SVOPL: variants seen among roughly 807,000 people sequenced by gnomAD.
SVOPL encodes SVOP like.
In SVOPL, 60 loss-of-function variants were observed where a neutral mutation model predicts 61.0. The ratio of observed to expected loss-of-function variants is 0.98; its 90% confidence interval spans 0.80 to 1.22. SVOPL has a LOEUF of 1.22. Ranked by LOEUF, SVOPL falls within the 50% of genes most tolerant of loss-of-function variation. The probability of loss-of-function intolerance (pLI) is 0.00; values close to 1 mark genes in which losing one functional copy is unlikely to be tolerated. For missense variants in SVOPL, 662 were observed against 643.9 expected, an observed-to-expected ratio of 1.03 and a Z score of -0.30; for synonymous variants, 279 against 250.0, an observed-to-expected ratio of 1.12 and a Z score of -1.09.
intron 4 of SVOPL, among the ~76,000 whole-genome samples, chr7:138,670,374 G>A (rs904324825): frequency 2.0e-5 from 3 of 152,066 alleles, no homozygotes; most frequent in Admixed American, 6.6e-5. Context: ...CACGATTTGC[G>A]ACTTCCCCAA....
At chr7:138,596,803 T>C in intron 14 of SVOPL, 1 of 1,137,178 alleles carries the variant, frequency 8.8e-7, no homozygotes, top group Non-Finnish European at 1.1e-6. Flanking sequence ...GAGCCAAGTT[T>C]TGATATATGG....
At chr7:138,670,974 C>A (rs912797153) in intron 4 of SVOPL, among the ~76,000 whole-genome samples, 11 of 152,120 alleles carry the variant, frequency 7.2e-5, no homozygotes, top group African/African-American at 2.2e-4. Flanking sequence ...AACTTTCATA[C>A]CCATTTAATC....
chr7:138,648,870 C>G (rs948823464), intron 8 of SVOPL, 142 bp downstream of exon 8: 1 of 1,274,136 alleles, frequency 7.8e-7, no homozygotes, highest in East Asian at 2.7e-5. Flanking sequence ...TGCAGTGAGC[C>G]GAGATTGCAC....
chr7:138,619,721 T>C lies in SVOPL; in HGVS notation c.1353+1325A>G, dbSNP rs113954401. 8.3e-3 allele frequency among the ~76,000 whole-genome samples: 1,262 copies of C among 152,282 alleles called. 19 individuals are homozygous for C. Among genetic ancestry groups the C allele is most frequent in the African/African-American group, 0.028 (1,179 of 41,550 alleles). ...CCATCCCAACTCCCGCTCTCTGTCATTTCACCTCTGCCAGCTGCATTTATG... is the reference window on the plus strand; with the variant it reads ...CCATCCCAACTCCCGCTCTCTGTCACTTCACCTCTGCCAGCTGCATTTATG... On this transcript the variant is annotated intron_variant, in intron 14 of 15. Coordinates refer to ENST00000674285, the MANE Select transcript of SVOPL (RefSeq NM_001139456.2).
chr7:138,699,496 T>C (rs1803143551), intron 1 of SVOPL, among the ~76,000 whole-genome samples: 1 of 152,072 alleles, frequency 6.6e-6, no homozygotes, highest in South Asian at 2.1e-4. Context: ...ATTTCATGGG[T>C]AAACTTGAGT....
chr7:138,596,327 T>C, intron 15 of SVOPL, 90 bp downstream of exon 15: 2 of 1,050,828 alleles, frequency 1.9e-6, no homozygotes, highest in Non-Finnish European at 2.8e-6. Context: ...TATTAGTTAT[T>C]TTAACTACAA....
At chr7:138,620,444 CAA>C (rs3080386) in intron 14 of SVOPL, among the ~76,000 whole-genome samples, 8 of 87,260 alleles carry the variant, frequency 9.2e-5, no homozygotes, top group East Asian at 4.2e-4. Context: ...TCTTTGCAGC[CAA>C]AAAAAAAAAA....
intron 14 of SVOPL, among the ~76,000 whole-genome samples, chr7:138,612,405 TAAAAA>T (rs1158818070): frequency 1.1e-4 from 1 of 9,332 alleles, no homozygotes. Context: ...AAAAATAAAT[TAAAAA>T]AAAAAAAAAA....
chr7:138,618,082 C>T (rs1344134160), intron 14 of SVOPL, among the ~76,000 whole-genome samples: 1 of 152,116 alleles, frequency 6.6e-6, no homozygotes, highest in Non-Finnish European at 1.5e-5. Context: ...ACAAAGCTTC[C>T]CAGATTCGAA....
At chr7:138,639,619 CAA>C (rs71179709) in intron 9 of SVOPL, among the ~76,000 whole-genome samples, 86 of 127,040 alleles carry the variant, frequency 6.8e-4, no homozygotes, top group Non-Finnish European at 5.3e-4. Flanking sequence ...GACTCCGTCT[CAA>C]AAAAAAAAAA....
At chr7:138,681,615 A>G (rs925444872) in intron 1 of SVOPL, among the ~76,000 whole-genome samples, 4 of 152,064 alleles carry the variant, frequency 2.6e-5, no homozygotes, top group African/African-American at 9.7e-5. Flanking sequence ...CTTGAGACCA[A>G]GAGTTTGAGA....
intron 7 of SVOPL, among the ~76,000 whole-genome samples, chr7:138,653,347 C>T (rs1355798117): frequency 6.6e-6 from 1 of 152,126 alleles, no homozygotes; most frequent in African/African-American, 2.4e-5. Context: ...AAGAAGATGC[C>T]ATGCAGGACA....
chr7:138,653,709 G>A (rs1470510590), intron 7 of SVOPL, among the ~76,000 whole-genome samples: 1 of 152,160 alleles, frequency 6.6e-6, no homozygotes, highest in East Asian at 1.9e-4. Flanking sequence ...GCTGAGGTGG[G>A]TGGATCACAA....
chr7:138,650,442 T>C (rs1801366514), intron 7 of SVOPL, among the ~76,000 whole-genome samples: 1 of 151,878 alleles, frequency 6.6e-6, no homozygotes, highest in Non-Finnish European at 1.5e-5. Context: ...TTGAGGAGCC[T>C]GTAAGACATT....
At chr7:138,671,476 T>C (rs919851107) in intron 4 of SVOPL, among the ~76,000 whole-genome samples, 1 of 152,106 alleles carries the variant, frequency 6.6e-6, no homozygotes, top group Non-Finnish European at 1.5e-5. Context: ...GCCTCCCAAG[T>C]AGCTGGGATT....
intron 14 of SVOPL, among the ~76,000 whole-genome samples, chr7:138,602,198 G>C (rs563479759): frequency 6.6e-6 from 1 of 152,022 alleles, no homozygotes; most frequent in East Asian, 1.9e-4. Context: ...GGGCAACAAA[G>C]CAAGATCCCA....
chr7:138,664,597 AC>A (rs1174691831), intron 4 of SVOPL, among the ~76,000 whole-genome samples: 2 of 133,294 alleles, frequency 1.5e-5, no homozygotes, highest in African/African-American at 5.8e-5. Context: ...TCCATCGGGC[AC>A]GCCCCTGACC....
intron 3 of SVOPL, among the ~76,000 whole-genome samples, chr7:138,675,899 C>T (rs564769929): frequency 3.2e-4 from 49 of 152,280 alleles, no homozygotes; most frequent in Non-Finnish European, 5.9e-4. Context: ...AGTGCAGTGA[C>T]GCAATCTAAG....
Position 138,649,123 on chromosome 7 carries a change from C to G in SVOPL, c.549G>C (p.Ala183=). 1.9e-6 allele frequency: 3 copies of G among 1,612,964 alleles called. No homozygotes were observed. The highest frequency in any genetic ancestry group is 1.7e-5 in the Admixed American group (1 of 59,878). The part of the protein sequence containing the change: ...MLPLSQVFWL[A]GSLLIIGLAS... ...CCAAGCCAATGATGAGCAGGGAGCC[C>G]GCAAGCCAGAACACCTAGGAAGAGA... is the stretch of plus-strand genomic sequence containing the variant. Residue 183 remains alanine (A), a synonymous_variant, in exon 8 of 16, where the codon GCG becomes GCC. Coordinates refer to ENST00000674285, the MANE Select transcript of SVOPL (RefSeq NM_001139456.2).
Sources: gnomAD v4.1 joint callset for allele counts (sites outside exome capture counted in the v4.1 genomes callset) on GRCh38, gnomAD v4.1.1 for gene constraint, MANE v1.5 for transcripts, NCBI Gene and HGNC (gene_info 2026-07-23, HGNC 2026-07-21) for gene names.